HYLS1: variants seen among roughly 807,000 people sequenced by gnomAD.
HYLS1 encodes HYLS1 centriolar and ciliogenesis associated, also known as centriolar and ciliogenesis-associated protein HYLS1.
Under a neutral mutation model 29.4 loss-of-function variants are expected in HYLS1, and 25 were observed. The observed-to-expected ratio is 0.85, with a 90% CI of 0.62 to 1.19. HYLS1 has a LOEUF of 1.19. HYLS1 is among the 50% of genes most tolerant of loss of function. The pLI is 0.00. For missense variants in HYLS1, 352 were observed against 365.1 expected (o/e 0.96, Z 0.29); for synonymous variants, 128 against 126.7 (o/e 1.01, Z -0.07).
intron 2 of HYLS1, chr11:125,895,854 A>G: frequency 6.3e-7 from 1 of 1,589,940 alleles, no homozygotes; most frequent in Admixed American, 1.7e-5. Flanking sequence ...CAGTGTGTAT[A>G]CCTAGAATAT....
At chr11:125,897,374 G>C (rs1378478703) in intron 2 of HYLS1, among the ~76,000 whole-genome samples, 3 of 151,762 alleles carry the variant, frequency 2.0e-5, no homozygotes, top group Non-Finnish European at 4.4e-5. Flanking sequence ...CCAGACACTA[G>C]AAAAAGATGT....
At chr11:125,886,879 C>A (rs1944313344), upstream of HYLS1, among the ~76,000 whole-genome samples, 1 of 137,298 alleles carries the variant, frequency 7.3e-6, no homozygotes, top group African/African-American at 2.7e-5. Context: ...CCACTACTCT[C>A]CAGCCTGGGC....
At chr11:125,887,111 G>C (rs1484910419), upstream of HYLS1, 1 of 152,616 alleles carries the variant, frequency 6.6e-6, no homozygotes, top group Non-Finnish European at 1.5e-5. Context: ...GAAAGGAAGA[G>C]CTCAGTGCGC....
chr11:125,899,391 G>A lies in HYLS1; in HGVS notation c.23G>A (p.Gly8Glu). The part of the protein sequence containing the change: MEELLPD[G>E]QIWANMDPEE... Reference sequence around the variant, plus strand: ...GCAATGGAAGAACTTCTACCTGATGGACAAATATGGGCTAATATGGATCCA... The same window carrying A: ...GCAATGGAAGAACTTCTACCTGATGAACAAATATGGGCTAATATGGATCCA... The change falls in exon 3 of 3, where the codon GGA becomes GAA. Residue 8 changes from glycine to glutamate, a missense_variant. Coordinates refer to ENST00000425380, the MANE Select transcript of HYLS1 (RefSeq NM_001134793.2). The A allele has an allele frequency of 6.2e-7, 1 of 1,614,176 alleles. No homozygotes were observed. The highest frequency in any genetic ancestry group is 8.5e-7 in the Non-Finnish European group (1 of 1,180,024).
At chr11:125,895,631 AG>A (rs1475345221) in intron 2 of HYLS1, 1 of 1,614,254 alleles carries the variant, frequency 6.2e-7, no homozygotes, top group Admixed American at 1.7e-5. Flanking sequence ...TTGGTTCTAC[AG>A]GGGCCCAGGC....
At position 125,900,384 on chromosome 11, in the gene HYLS1, T is replaced by C. The variant is rs896142981; in HGVS notation, c.*116T>C. On this transcript the variant is annotated 3_prime_UTR_variant, in exon 3 of 3. Transcript: ENST00000425380. ...CTTCGAAACATTTTATGGTAAGGAC[T>C]TCACCTATCATTGGTCTTTCCTAGC... is the stretch of plus-strand genomic sequence containing the variant. 8 of 952,158 alleles carry C rather than the reference T, an allele frequency of 8.4e-6. No individual in the cohort carries two copies. Among genetic ancestry groups the C allele is most frequent in the Non-Finnish European group, 1.2e-5 (7 of 608,018 alleles). 59.0% of individuals were successfully genotyped at this position (952,158 alleles called of 1,614,324 possible).
intron 1 of HYLS1, among the ~76,000 whole-genome samples, chr11:125,889,562 A>C (rs653167): frequency 0.82 from 124,128 of 151,896 alleles, 51,336 homozygotes; most frequent in Admixed American, 0.89. Context: ...GGTGAAACCA[A>C]GTCTCTACTA....
intron 1 of HYLS1, among the ~76,000 whole-genome samples, chr11:125,889,668 C>T (rs910119277): frequency 6.6e-6 from 1 of 152,022 alleles, no homozygotes; most frequent in Non-Finnish European, 1.5e-5. Flanking sequence ...ACCTGAGAGG[C>T]AGAGGTTGCG....
In HYLS1 at chr11:125,900,259, T is replaced by C. The variant is rs1944728953; in HGVS notation, c.891T>C (p.Ser297=). The C allele has an allele frequency of 6.2e-7, 1 of 1,614,170 alleles. No homozygotes were observed. The highest frequency in any genetic ancestry group is 8.5e-7 in the Non-Finnish European group (1 of 1,180,000). Reference sequence around the variant, plus strand: ...CCAGGAAGCTTCCCTTCCCTCTTTCTCCTTCTTAAATCTTTTTAAACTTCT... The same window carrying C: ...CCAGGAAGCTTCCCTTCCCTCTTTCCCCTTCTTAAATCTTTTTAAACTTCT... ...VIPRKLPFPL[S]PS Residue 297 remains serine (S), a synonymous_variant, in exon 3 of 3, where the codon TCT becomes TCC. Transcript: ENST00000425380.
chr11:125,893,388 C>T (rs1944468428), intron 2 of HYLS1: 1 of 156,666 alleles, frequency 6.4e-6, no homozygotes. Context: ...TAAATTCTGT[C>T]TTAGAAAATA....
upstream of HYLS1, among the ~76,000 whole-genome samples, chr11:125,885,596 G>A (rs975364993): frequency 6.6e-6 from 1 of 152,226 alleles, no homozygotes; most frequent in Non-Finnish European, 1.5e-5. Flanking sequence ...AAAAAGTCAT[G>A]CTGGCATAAG....
chr11:125,890,326 T>C (rs926899053), intron 1 of HYLS1, among the ~76,000 whole-genome samples: 1 of 152,256 alleles, frequency 6.6e-6, no homozygotes, highest in Non-Finnish European at 1.5e-5. Flanking sequence ...TTAATAGCTT[T>C]CTAAGAGGAA....
At chr11:125,893,288 T>A (rs1591497023) in intron 2 of HYLS1, among the ~76,000 whole-genome samples, 1 of 145,958 alleles carries the variant, frequency 6.9e-6, no homozygotes, top group Non-Finnish European at 1.5e-5. Context: ...CTTTGTAAGA[T>A]AAGGTACTGT....
intron 1 of HYLS1, among the ~76,000 whole-genome samples, chr11:125,889,730 T>A (rs551931494): frequency 3.9e-5 from 6 of 152,076 alleles, no homozygotes; most frequent in Non-Finnish European, 8.8e-5. Context: ...AGAGAGAGAC[T>A]CGTCTCAAAA....
In HYLS1 at chr11:125,899,364, A is replaced by C. The variant is rs940781154; in HGVS notation, c.-5A>C. On this transcript the variant is annotated 5_prime_UTR_variant, in exon 3 of 3. Transcript: ENST00000425380. ...TGCAGAAGGTCCTACAGTGTAGGGG[A>C]AGCAATGGAAGAACTTCTACCTGAT... 2.5e-6 allele frequency: 4 copies of C among 1,613,760 alleles called. No homozygotes were observed. The highest frequency in any genetic ancestry group is 3.4e-6 in the Non-Finnish European group (4 of 1,179,770).
chr11:125,886,368 T>C (rs1310835661), upstream of HYLS1, among the ~76,000 whole-genome samples: 1 of 152,122 alleles, frequency 6.6e-6, no homozygotes. Flanking sequence ...TAAACATTTC[T>C]CCCCTCCCAC....
chr11:125,899,182 T>C (rs1166091120), intron 2 of HYLS1, 162 bp from the exon 3 acceptor site: 5 of 594,902 alleles, frequency 8.4e-6, no homozygotes, highest in Non-Finnish European at 1.5e-5. Flanking sequence ...TAGAACTGAG[T>C]TAATGCCCCT....
intron 1 of HYLS1, among the ~76,000 whole-genome samples, chr11:125,890,759 A>G (rs182966708): frequency 9.8e-5 from 15 of 152,330 alleles, no homozygotes; most frequent in Non-Finnish European, 1.5e-4. Flanking sequence ...TCGATCTTTT[A>G]TATTAGAAAG....
At position 125,899,759 on chromosome 11, in the gene HYLS1, TTA is replaced by T; in HGVS notation, c.392_393del (p.Leu131Ter). On this transcript the variant is annotated frameshift_variant, in exon 3 of 3. Transcript: ENST00000425380. LOFTEE classifies it high-confidence loss of function. Reference sequence around the variant, plus strand: ...AGAAAATGATCAGGATCTCTGGGACTTAAGACAAAGGCTGATGAATGTACAGT... The same window carrying T: ...AGAAAATGATCAGGATCTCTGGGACTAGACAAAGGCTGATGAATGTACAGT... ...GTENDQDLWD[L>X]RQRLMNVQFQ... The T allele has an allele frequency of 1.2e-6, 2 of 1,614,232 alleles. No homozygotes were observed. Among genetic ancestry groups the T allele is most frequent in the Non-Finnish European group, 1.7e-6 (2 of 1,180,038 alleles).
Sources: allele counts gnomAD v4.1 joint callset (sites outside exome capture counted in the v4.1 genomes callset), GRCh38; gene constraint gnomAD v4.1.1; transcripts MANE v1.5; gene names NCBI Gene and HGNC (gene_info 2026-07-23, HGNC 2026-07-21).